Variants in ZFYVE26 observed in about 807,000 individuals in gnomAD.
The protein encoded by ZFYVE26 is zinc finger FYVE-type containing 26, also known as zinc finger FYVE domain-containing protein 26.
A neutral mutation model predicts 276.5 loss-of-function variants in ZFYVE26; 181 were observed. The ratio of observed to expected loss-of-function variants is 0.65; its 90% CI spans 0.58 to 0.74. ZFYVE26 has a LOEUF of 0.74. Among genes scored for constraint, ZFYVE26 ranks in the 30% least tolerant of loss-of-function variants. The pLI, the probability that ZFYVE26 is intolerant of heterozygous loss-of-function variation, is 0.00. For synonymous variants in ZFYVE26, 1,129 were observed against 1,203.1 expected, an observed-to-expected ratio of 0.94 and a Z score of 1.27; for missense variants, 2,821 against 3,097.9, an observed-to-expected ratio of 0.91 and a Z score of 2.12.
intron 10 of ZFYVE26, among the ~76,000 whole-genome samples, chr14:67,800,623 T>C (rs1057079625): frequency 6.6e-6 from 1 of 152,154 alleles, no homozygotes; most frequent in Non-Finnish European, 1.5e-5. Flanking sequence ...AGTGAACTCA[T>C]AGTAACGGTT....
At chr14:67,770,931 A>G (rs987918557) in intron 28 of ZFYVE26, among the ~76,000 whole-genome samples, 1 of 149,740 alleles carries the variant, frequency 6.7e-6, no homozygotes, top group Non-Finnish European at 1.5e-5. Context: ...TTAAATAAGG[A>G]AAATACCTGA....
intron 12 of ZFYVE26, chr14:67,797,317 T>A (rs907443995): frequency 3.1e-6 from 1 of 326,970 alleles, no homozygotes; most frequent in African/African-American, 2.1e-5. Context: ...ACAGGGTGTT[T>A]CTGACAATGG....
chr14:67,805,967 CA>C (rs1478049616), intron 6 of ZFYVE26, among the ~76,000 whole-genome samples: 1 of 152,158 alleles, frequency 6.6e-6, no homozygotes, highest in Non-Finnish European at 1.5e-5. Context: ...GCAGAGGTTG[CA>C]ATGAGCCGAG....
chr14:67,778,325 C>G, intron 23 of ZFYVE26, 77 bp from the exon 24 acceptor site: 1 of 1,595,688 alleles, frequency 6.3e-7, no homozygotes, highest in Non-Finnish European at 8.6e-7. Context: ...GTCTACAAAG[C>G]CCCAGGAATG....
intron 5 of ZFYVE26, among the ~76,000 whole-genome samples, chr14:67,807,182 G>A (rs1178325745): frequency 6.6e-6 from 1 of 152,146 alleles, no homozygotes; most frequent in African/African-American, 2.4e-5. Context: ...AGCCTCACAT[G>A]ATCCTCCTTG....
intron 35 of ZFYVE26, among the ~76,000 whole-genome samples, chr14:67,757,711 C>T (rs530934010): frequency 8.4e-4 from 124 of 148,132 alleles, no homozygotes; most frequent in Admixed American, 1.3e-3. Flanking sequence ...TTCTCTCTCT[C>T]TTTCTTTCTT....
intron 23 of ZFYVE26, among the ~76,000 whole-genome samples, chr14:67,779,453 T>C (rs2039437825): frequency 6.6e-6 from 1 of 152,054 alleles, no homozygotes; most frequent in African/African-American, 2.4e-5. Flanking sequence ...TCCAAGCTAC[T>C]TGGGAGCCTG....
At chr14:67,776,260 T>G (rs535654654) in intron 25 of ZFYVE26, among the ~76,000 whole-genome samples, 154 bp from the exon 26 acceptor site, 1 of 152,226 alleles carries the variant, frequency 6.6e-6, no homozygotes, top group East Asian at 1.9e-4. Context: ...AAGGCTGAGC[T>G]CCCCACTAAA....
intron 4 of ZFYVE26, among the ~76,000 whole-genome samples, chr14:67,808,244 A>G (rs2040226408): frequency 6.6e-6 from 1 of 152,142 alleles, no homozygotes; most frequent in African/African-American, 2.4e-5. Flanking sequence ...CAAAATGTGT[A>G]CTGGTGATGT....
At chr14:67,729,492 T>G (rs956888872) in exon 14 of ZFYVE26, 58 of 1,093,922 alleles carry the variant, frequency 5.3e-5, no homozygotes, top group Non-Finnish European at 5.6e-5. Flanking sequence ...GCAATCCAGG[T>G]TTGGGTTGGG....
chr14:67,767,612 G>C, intron 31 of ZFYVE26, 92 bp downstream of exon 31: 1 of 1,544,354 alleles, frequency 6.5e-7, no homozygotes, highest in Non-Finnish European at 8.9e-7. Flanking sequence ...AACAAGTAAA[G>C]GCCAGGTGTG....
Position 67,809,425 on chromosome 14 carries a change from TTTTTTTTTTTA to T in ZFYVE26, c.274-147_274-137del. On this transcript the variant is annotated intron_variant, in intron 3 of 41. Transcript: ENST00000347230. Reference sequence around the variant, plus strand: ...GAAGCACTCTTTTTTTTTTTTTTTTTTTTTTTTTTTATTTTGAGACAGAGTCTTGCTCTGTT... The same window carrying T: ...GAAGCACTCTTTTTTTTTTTTTTTTTTTTTGAGACAGAGTCTTGCTCTGTT... 5.2e-6 allele frequency: 3 copies of T among 579,256 alleles called. No individual in the cohort carries two copies. In the African/African-American group the frequency reaches 7.3e-5, roughly 14 times the overall value. The allele number at this position is 579,256 out of a possible 1,614,324, so 35.9% of individuals were successfully genotyped here. A position where few individuals can be genotyped will look rare whatever the true frequency, so the allele number is the denominator to read the frequency against.
chr14:67,812,519 C>T (rs1278195805), intron 3 of ZFYVE26, among the ~76,000 whole-genome samples: 1 of 152,142 alleles, frequency 6.6e-6, no homozygotes, highest in African/African-American at 2.4e-5. Context: ...GAAAACTACC[C>T]CAAGAATTCA....
intron 13 of ZFYVE26, among the ~76,000 whole-genome samples, chr14:67,737,495 C>A (rs181684211): frequency 2.0e-5 from 3 of 152,138 alleles, no homozygotes; most frequent in African/African-American, 7.2e-5. Context: ...CTCACTATCA[C>A]GAGAAGACAA....
Position 67,775,982 on chromosome 14 carries a change from G to A in ZFYVE26, c.5099C>T (p.Thr1700Ile), listed in dbSNP as rs1276714468. 6.2e-7 allele frequency: 1 copy of A among 1,614,210 alleles called. No homozygotes were observed. Among genetic ancestry groups the A allele is most frequent in the Non-Finnish European group, 8.5e-7 (1 of 1,180,032 alleles). ...KVDWATVAVQ[T>I]LQQLLVGQEI... Reference sequence around the variant, plus strand: ...CTGTCCAACCAGCAGCTGCTGGAGAGTCTGCACAGCCACAGTGGCCCAATC... The same window carrying A: ...CTGTCCAACCAGCAGCTGCTGGAGAATCTGCACAGCCACAGTGGCCCAATC... Residue 1700 changes from threonine to isoleucine, a missense_variant, in exon 26 of 42, where the codon ACT (threonine) becomes ATT (isoleucine). Physicochemically the swap from Thr to Ile is moderately conservative, Grantham distance 89. Coordinates refer to ENST00000347230, the MANE Select transcript of ZFYVE26 (RefSeq NM_015346.4).
intron 16 of ZFYVE26, among the ~76,000 whole-genome samples, chr14:67,788,157 G>A (rs575489201): frequency 1.3e-5 from 2 of 152,184 alleles, no homozygotes; most frequent in African/African-American, 4.8e-5. Context: ...TTGGGAGGCT[G>A]AGGCAGGCGG....
rs373087307 is a variant in ZFYVE26 at position 67,762,328 on chromosome 14, C to T, written c.6244G>A (p.Ala2082Thr). 4 of 1,614,214 alleles carry T rather than the reference C, an allele frequency of 2.5e-6. No individual in the cohort carries two copies. The highest frequency in any genetic ancestry group is 3.4e-6 in the Non-Finnish European group (4 of 1,180,048). Reference protein sequence around the residue: ...ACLKAGNLTAAREKFSRCLKP... With the variant: ...ACLKAGNLTATREKFSRCLKP... ...AGACAGCGACTGAACTTCTCCCGTG[C>T]AGCAGTGAGGTTCCCGGCTTTGAGG... Residue 2082 changes from alanine (A) to threonine (T), a missense_variant, in exon 34 of 42, where the codon GCA becomes ACA. Physicochemically the swap from Ala to Thr is moderately conservative, Grantham distance 58. Transcript: ENST00000347230.
rs779236102 is a variant in ZFYVE26 at position 67,766,376 on chromosome 14, C to G, written c.5862G>C (p.Leu1954=). The G allele has an allele frequency of 6.2e-7, 1 of 1,612,836 alleles. No homozygotes were observed. ...TGGAGAGCCTGCAGCAGTGCTCAATCAGCTGGTGACCACAGGCAATGCTGT... is the reference window on the plus strand; with the variant it reads ...TGGAGAGCCTGCAGCAGTGCTCAATGAGCTGGTGACCACAGGCAATGCTGT... ...HRDSIACGHQ[L]IEHCCRLSKG... is the part of the protein sequence containing the mutation. Residue 1954 remains leucine (L), a synonymous_variant, in exon 32 of 42, where the codon CTG becomes CTC. Coordinates refer to ENST00000347230, the MANE Select transcript of ZFYVE26 (RefSeq NM_015346.4).
downstream of ZFYVE26, among the ~76,000 whole-genome samples, chr14:67,742,370 T>G (rs1264247236): frequency 6.6e-6 from 1 of 152,242 alleles, no homozygotes; most frequent in Non-Finnish European, 1.5e-5. Flanking sequence ...CACTGAAGTG[T>G]ACACTTAAAA....
Sources: gnomAD v4.1 joint callset for allele counts (sites outside exome capture counted in the v4.1 genomes callset) on GRCh38, gnomAD v4.1.1 for gene constraint, MANE v1.5 for transcripts, NCBI Gene and HGNC (gene_info 2026-07-23, HGNC 2026-07-21) for gene names.